Variants in METRN observed in about 807,000 individuals in gnomAD.
The protein encoded by METRN is meteorin.
METRN carries 17 observed loss-of-function variants against 17.4 expected under a neutral mutation model. The observed-to-expected ratio is 0.98, with a 90% CI of 0.67 to 1.46. METRN has a LOEUF of 1.46. Among genes scored for constraint, METRN ranks in the 40% most tolerant of loss-of-function variants. The pLI, the probability that METRN is intolerant of heterozygous loss-of-function variation, is 0.00. For synonymous variants in METRN, 230 were observed against 210.8 expected, an observed-to-expected ratio of 1.09 and a Z score of -0.79; for missense variants, 489 against 456.2, an observed-to-expected ratio of 1.07 and a Z score of -0.65.
rs1441899973 is a variant in METRN, at chr16:719,493, G to C, written c.*2106G>C. On this transcript the variant is annotated 3_prime_UTR_variant, in exon 4 of 4. Coordinates refer to ENST00000568223, the MANE Select transcript of METRN (RefSeq NM_024042.4). ...CCAAAGGCCAAGCAGCAGAGTGCCTGGTGTGGACGGGAGAGGAGTGGGGAG... is the reference window on the plus strand; with the variant it reads ...CCAAAGGCCAAGCAGCAGAGTGCCTCGTGTGGACGGGAGAGGAGTGGGGAG... 6.6e-6 allele frequency: 1 copy of C among 152,334 alleles called. No individual in the cohort carries two copies. The highest frequency in any genetic ancestry group is 1.5e-5 in the Non-Finnish European group (1 of 68,144). 9.4% of individuals were successfully genotyped at this position (152,334 alleles called of 1,614,324 possible). A position where few individuals can be genotyped will look rare whatever the true frequency, so the allele number is the denominator to read the frequency against.
At position 715,391 on chromosome 16, in the gene METRN, C is replaced by G; in HGVS notation, c.102C>G (p.Gly34=). Residue 34 remains glycine, a splice_region_variant and synonymous_variant, in exon 1 of 4, where the codon GGC becomes GGG. Coordinates refer to ENST00000568223, the MANE Select transcript of METRN (RefSeq NM_024042.4). ...GYSEERCSWR[G]SGLTQEPGSV... is the part of the protein sequence containing the mutation. ...CCGAGGAGCGCTGCAGCTGGAGGGG[C>G]AGGTACGGTCCGGGGGGCTGTCCCC... 3.0e-6 allele frequency: 4 copies of G among 1,318,894 alleles called. No homozygotes were observed. The highest frequency in any genetic ancestry group is 3.9e-6 in the Non-Finnish European group (4 of 1,036,542). 81.7% of individuals were successfully genotyped at this position (1,318,894 alleles called of 1,614,324 possible).
chr16:716,041 G>A (rs2040159503), intron 2 of METRN, 57 bp downstream of exon 2: 1 of 1,382,944 alleles, frequency 7.2e-7, no homozygotes, highest in South Asian at 1.6e-5. Context: ...CCCTGCCTGG[G>A]CTTGGCGGGA....
chr16:717,103 G>T lies in METRN; in HGVS notation c.598G>T (p.Asp200Tyr). 5 of 1,605,838 alleles carry T rather than the reference G, an allele frequency of 3.1e-6. No homozygotes were observed. The highest frequency in any genetic ancestry group is 4.3e-6 in the Non-Finnish European group (5 of 1,175,654). Reference protein sequence around the residue: ...IHGIIHGVTHDVELQESVITV... With the variant: ...IHGIIHGVTHYVELQESVITV... ...CGGGATCATCCATGGGGTCACCCAT[G>T]ACGTGGAGCTGCAGGAGTCTGTCAT... The change falls in exon 4 of 4, where the codon GAC becomes TAC. Residue 200 changes from aspartate to tyrosine, a missense_variant. Physicochemically the swap from Asp to Tyr is radical, Grantham distance 160. Coordinates refer to ENST00000568223, the MANE Select transcript of METRN (RefSeq NM_024042.4).
Position 715,406 on chromosome 16 carries a change from G to C in METRN, c.104+13G>C, listed in dbSNP as rs1001250614. ...GCTGGAGGGGCAGGTACGGTCCGGG[G>C]GGCTGTCCCCGCACTTAGGACGGGG... On this transcript the variant is annotated intron_variant, in intron 1 of 3. Coordinates refer to ENST00000568223, the MANE Select transcript of METRN (RefSeq NM_024042.4). 7.7e-7 allele frequency: 1 copy of C among 1,294,736 alleles called. No homozygotes were observed. Among genetic ancestry groups the C allele is most frequent in the African/African-American group, 1.6e-5 (1 of 64,356 alleles). 80.2% of individuals were successfully genotyped at this position (1,294,736 alleles called of 1,614,324 possible).
intron 2 of METRN, chr16:716,498 C>G: frequency 6.7e-7 from 1 of 1,493,704 alleles, no homozygotes; most frequent in South Asian, 1.3e-5. Flanking sequence ...ATTCTGCCCC[C>G]TGGCCCTGGG....
At chr16:716,465 C>G (rs2040162866) in intron 2 of METRN, 3 of 1,445,796 alleles carry the variant, frequency 2.1e-6, no homozygotes, top group Non-Finnish European at 2.7e-6. Flanking sequence ...GGCGCCTGAC[C>G]CTGAAAGGGA....
At position 717,223 on chromosome 16, in the gene METRN, C is replaced by A. The variant is rs1183571908; in HGVS notation, c.718C>A (p.Leu240Met). The A allele has an allele frequency of 2.5e-6, 4 of 1,591,518 alleles. No homozygotes were observed. The highest frequency in any genetic ancestry group is 3.4e-6 in the Non-Finnish European group (4 of 1,172,052). ...DQGLTSIRTP[L>M]RCGVHPGPGT... ...GGGGCTGACCTCCATTCGTACCCCA[C>A]TGCGCTGTGGCGTCCACCCGGGCCC... Residue 240 changes from leucine to methionine, a missense_variant, in exon 4 of 4, where the codon CTG (leucine) becomes ATG (methionine). Transcript: ENST00000568223.
Position 716,998 on chromosome 16 carries a change from T to C in METRN, c.565+6T>C, listed in dbSNP as rs369233867. ...CGCATGCACCAGCGACTTCGGTGAG[T>C]GTCCCCGCCATGGGGGGAGCCTGGA... is the stretch of plus-strand genomic sequence containing the variant. On this transcript the variant is annotated splice_donor_region_variant and intron_variant, in intron 3 of 3. Coordinates refer to ENST00000568223, the MANE Select transcript of METRN (RefSeq NM_024042.4). The C allele has an allele frequency of 1.3e-5, 21 of 1,608,374 alleles. No homozygotes were observed. Among genetic ancestry groups the C allele is most frequent in the Non-Finnish European group, 1.8e-5 (21 of 1,177,410 alleles).
rs968751776 is a variant in METRN, at chr16:719,609, C to G, written c.*2222C>G. Reference sequence around the variant, plus strand: ...GGTCAGGAGATGGAGACCATCCTGGCCAACATGGTGAAACCGTCTCTAATA... The same window carrying G: ...GGTCAGGAGATGGAGACCATCCTGGGCAACATGGTGAAACCGTCTCTAATA... On this transcript the variant is annotated 3_prime_UTR_variant, in exon 4 of 4. Coordinates refer to ENST00000568223, the MANE Select transcript of METRN (RefSeq NM_024042.4). The G allele has an allele frequency of 6.6e-6, 1 of 151,974 alleles. No individual in the cohort carries two copies. Among genetic ancestry groups the G allele is most frequent in the African/African-American group, 2.4e-5 (1 of 41,382 alleles). 9.4% of individuals were successfully genotyped at this position (151,974 alleles called of 1,614,324 possible).
At chr16:716,131 G>T in intron 2 of METRN, 147 bp downstream of exon 2, 5 of 1,354,558 alleles carry the variant, frequency 3.7e-6, no homozygotes, top group Non-Finnish European at 4.7e-6. Context: ...CACAGCCTGG[G>T]ACTGCTGGGG....
chr16:715,367 C>G lies in METRN; in HGVS notation c.78C>G (p.Ser26=). 4.5e-6 allele frequency: 6 copies of G among 1,337,048 alleles called. No homozygotes were observed. The highest frequency in any genetic ancestry group is 1.8e-5 in the South Asian group (1 of 55,174). 82.8% of individuals were successfully genotyped at this position (1,337,048 alleles called of 1,614,324 possible). A position where few individuals can be genotyped will look rare whatever the true frequency, so the allele number is the denominator to read the frequency against. The change falls in exon 1 of 4, where the codon TCC becomes TCG. Residue 26 remains serine (S), a synonymous_variant. Transcript: ENST00000568223. The part of the protein sequence containing the change: ...LLAPAARAGY[S]EERCSWRGSG... ...CCCCGGCTGCCCGCGCCGGCTACTC[C>G]GAGGAGCGCTGCAGCTGGAGGGGCA... is the stretch of plus-strand genomic sequence containing the variant.
rs1239320216 is a variant in METRN, at chr16:717,148, GTCC to G, written c.647_649del (p.Leu216del). On this transcript the variant is annotated inframe_deletion, in exon 4 of 4. Coordinates refer to ENST00000568223, the MANE Select transcript of METRN (RefSeq NM_024042.4). ...TGTCATCACTGTGGTGGCCGCCCGTGTCCTCCGCCAGACACCGCCGCTGTTCCA... is the reference window on the plus strand; with the variant it reads ...TGTCATCACTGTGGTGGCCGCCCGTGTCCGCCAGACACCGCCGCTGTTCCA... 1 of 1,602,960 alleles carries G rather than the reference GTCC, an allele frequency of 6.2e-7. No homozygotes were observed. The highest frequency in any genetic ancestry group is 8.5e-7 in the Non-Finnish European group (1 of 1,175,110).
rs757778110 is a variant in METRN, at chr16:717,069, A to T, written c.566-2A>T. The T allele has an allele frequency of 6.2e-7, 1 of 1,611,420 alleles. No individual in the cohort carries two copies. On this transcript the variant is annotated splice_acceptor_variant, in intron 3 of 3. Transcript: ENST00000568223. LOFTEE classifies it high-confidence loss of function. The stretch of plus-strand genomic sequence containing the variant: ...CTACCGCAGCCACATGCCTCCCCAC[A>T]GTAATTCACGGGATCATCCATGGGG...
At chr16:717,038 G>A (rs532377719) in intron 3 of METRN, 33 bp from the exon 4 acceptor site, 1 of 1,611,902 alleles carries the variant, frequency 6.2e-7, no homozygotes, top group East Asian at 2.2e-5. Flanking sequence ...GCCTTCCCCT[G>A]AATGCCTACC....
chr16:717,311 G>T lies in METRN; in HGVS notation c.806G>T (p.Arg269Leu). The T allele has an allele frequency of 6.6e-7, 1 of 1,516,660 alleles. No homozygotes were observed. 94.0% of individuals were successfully genotyped at this position (1,516,660 alleles called of 1,614,324 possible). A position where few individuals can be genotyped will look rare whatever the true frequency, so the allele number is the denominator to read the frequency against. Reference protein sequence around the residue: ...FGEARLGCAPRFQEFRRAYEA... With the variant: ...FGEARLGCAPLFQEFRRAYEA... Reference sequence around the variant, plus strand: ...GAGGCCCGGCTGGGCTGTGCCCCACGATTCCAGGAGTTCCGCCGTGCCTAC... The same window carrying T: ...GAGGCCCGGCTGGGCTGTGCCCCACTATTCCAGGAGTTCCGCCGTGCCTAC... Residue 269 changes from arginine (R) to leucine (L), a missense_variant, in exon 4 of 4, where the codon CGA becomes CTA. Arg to Leu is a moderately radical substitution (Grantham distance 102). Coordinates refer to ENST00000568223, the MANE Select transcript of METRN (RefSeq NM_024042.4).
At position 716,986 on chromosome 16, in the gene METRN, G is replaced by A. The variant is rs747483774; in HGVS notation, c.559G>A (p.Asp187Asn). ...GCTGCTCCTGGCCGCATGCACCAGC[G>A]ACTTCGGTGAGTGTCCCCGCCATGG... ...AELLLAACTS[D>N]FVIHGIIHGV... Residue 187 changes from aspartate to asparagine, a missense_variant, in exon 3 of 4, where the codon GAC becomes AAC. Asp to Asn is a conservative substitution (Grantham distance 23). Coordinates refer to ENST00000568223, the MANE Select transcript of METRN (RefSeq NM_024042.4). The A allele has an allele frequency of 6.2e-5, 99 of 1,605,814 alleles. No individual in the cohort carries two copies. Among genetic ancestry groups the A allele is most frequent in the Non-Finnish European group, 6.5e-5 (77 of 1,175,714 alleles).
In METRN at chr16:717,433, A is replaced by T; in HGVS notation, c.*46A>T. On this transcript the variant is annotated 3_prime_UTR_variant, in exon 4 of 4. Coordinates refer to ENST00000568223, the MANE Select transcript of METRN (RefSeq NM_024042.4). Reference sequence around the variant, plus strand: ...GGCTGGTAGGAGGGAGGGTGGGCCCACTGCTTTGGAGGTGATGGGACTATC... The same window carrying T: ...GGCTGGTAGGAGGGAGGGTGGGCCCTCTGCTTTGGAGGTGATGGGACTATC... The T allele has an allele frequency of 2.3e-6, 3 of 1,281,258 alleles. No individual in the cohort carries two copies. Among genetic ancestry groups the T allele is most frequent in the Non-Finnish European group, 3.1e-6 (3 of 982,704 alleles). 79.4% of individuals were successfully genotyped at this position (1,281,258 alleles called of 1,614,324 possible).
rs373133851 is a variant in METRN, at chr16:717,064, C to T, written c.566-7C>T. ...AATGCCTACCGCAGCCACATGCCTCCCCACAGTAATTCACGGGATCATCCA... is the reference window on the plus strand; with the variant it reads ...AATGCCTACCGCAGCCACATGCCTCTCCACAGTAATTCACGGGATCATCCA... On this transcript the variant is annotated splice_polypyrimidine_tract_variant and splice_region_variant and intron_variant, in intron 3 of 3. Transcript: ENST00000568223. The T allele has an allele frequency of 2.5e-6, 4 of 1,611,500 alleles. No homozygotes were observed. Among genetic ancestry groups the T allele is most frequent in the Non-Finnish European group, 2.5e-6 (3 of 1,179,216 alleles).
Position 717,583 on chromosome 16 carries a change from A to C in METRN, c.*196A>C, listed in dbSNP as rs2040172669. 2.1e-6 allele frequency: 1 copy of C among 471,276 alleles called. No homozygotes were observed. Among genetic ancestry groups the C allele is most frequent in the East Asian group, 3.5e-5 (1 of 28,558 alleles). 29.2% of individuals were successfully genotyped at this position (471,276 alleles called of 1,614,324 possible). A position where few individuals can be genotyped will look rare whatever the true frequency, so the allele number is the denominator to read the frequency against. ...GCCTCCTGGCGGGAGACTGAGGCTCAGGGGAATGGTATCTTGTTCAAGACC... is the reference window on the plus strand; with the variant it reads ...GCCTCCTGGCGGGAGACTGAGGCTCCGGGGAATGGTATCTTGTTCAAGACC... On this transcript the variant is annotated 3_prime_UTR_variant, in exon 4 of 4. Transcript: ENST00000568223.
Sources: allele counts gnomAD v4.1 joint callset, GRCh38; gene constraint gnomAD v4.1.1; transcripts MANE v1.5; gene names NCBI Gene and HGNC (gene_info 2026-07-23, HGNC 2026-07-21).